MINDY1: variants seen among roughly 807,000 people sequenced by gnomAD.
The protein encoded by MINDY1 is ubiquitin carboxyl-terminal hydrolase MINDY-1.
In MINDY1, 50 loss-of-function variants were observed where a neutral mutation model predicts 53.6. That is an observed-to-expected ratio of 0.93 (90% CI 0.74 to 1.18). The LOEUF is 1.18. Among genes scored for constraint, MINDY1 ranks in the 50% most tolerant of loss-of-function variants. MINDY1 has a pLI of 0.00. For synonymous variants in MINDY1, 231 were observed against 234.7 expected (o/e 0.98, Z 0.14); for missense variants, 484 against 578.6 (o/e 0.84, Z 1.68).
Position 151,006,758 on chromosome 1 carries a change from C to G in MINDY1, c.-536G>C, listed in dbSNP as rs1018712797. 15 of 985,498 alleles carry G rather than the reference C, an allele frequency of 1.5e-5. No homozygotes were observed. The highest frequency in any genetic ancestry group is 1.8e-5 in the Non-Finnish European group (15 of 830,086). The allele number at this position is 985,498 out of a possible 1,614,324, so 61.0% of individuals were successfully genotyped here. ...TGGAGGAGGAGGGGCCTGCCCAGCG[C>G]TGGTGGATTTCCATCAGGACTTTCT... is the stretch of plus-strand genomic sequence containing the variant. On this transcript the variant is annotated 5_prime_UTR_variant, in exon 1 of 10. Coordinates refer to ENST00000683666, the MANE Select transcript of MINDY1 (RefSeq NM_001376665.1).
Position 151,002,349 on chromosome 1 carries a change from G to T in MINDY1, c.269C>A (p.Thr90Lys). The change falls in exon 2 of 10, where the codon ACA becomes AAA. Residue 90 changes from threonine (T) to lysine (K), a missense_variant. Transcript: ENST00000683666. The surrounding 1 kb of genome is among the most constrained non-coding windows in gnomAD (Gnocchi z 4.1). ...PTLGTLPEVE[T>K]IRACSMPQEL... ...CTGGGGCATGGAGCATGCCCTTATT[G>T]TCTCTACTTCAGGCAGTGTCCCAAG... 1 of 1,614,164 alleles carries T rather than the reference G, an allele frequency of 6.2e-7. No individual in the cohort carries two copies. The highest frequency in any genetic ancestry group is 8.5e-7 in the Non-Finnish European group (1 of 1,180,022).
At chr1:150,998,408 G>A in intron 7 of MINDY1, 135 bp from the exon 8 acceptor site, 8 of 783,732 alleles carry the variant, frequency 1.0e-5, no homozygotes, top group Non-Finnish European at 1.6e-5. Context: ...AGGCTGGAGT[G>A]CAGTGGCACA....
chr1:151,001,393 G>A, intron 3 of MINDY1, 79 bp from the exon 4 acceptor site: 1 of 1,463,756 alleles, frequency 6.8e-7, no homozygotes. Flanking sequence ...GGAGAATGCG[G>A]GTAATGTCAC....
At position 151,002,517 on chromosome 1, in the gene MINDY1, T is replaced by C. The variant is rs587731863; in HGVS notation, c.101A>G (p.His34Arg). The C allele has an allele frequency of 1.1e-5, 18 of 1,614,154 alleles. No individual in the cohort carries two copies. Among genetic ancestry groups the C allele is most frequent in the Admixed American group, 3.3e-5 (2 of 60,012 alleles). Residue 34 changes from histidine to arginine, a missense_variant, in exon 2 of 10, where the codon CAC (histidine) becomes CGC (arginine). Coordinates refer to ENST00000683666, the MANE Select transcript of MINDY1 (RefSeq NM_001376665.1). This position sits in a 1 kb window ranked among gnomAD's most constrained non-coding sequence, Gnocchi z 4.1. ...ATCTCTTGCATCTGTGTCCTGAGGGTGCTCATCTGGGCCTGCCAGAACCTC... is the reference window on the plus strand; with the variant it reads ...ATCTCTTGCATCTGTGTCCTGAGGGCGCTCATCTGGGCCTGCCAGAACCTC... ...NHEVLAGPDE[H>R]PQDTDARDAD... is the part of the protein sequence containing the mutation.
In MINDY1 at chr1:151,002,336, G is replaced by A; in HGVS notation, c.282C>T (p.Cys94=). The A allele has an allele frequency of 1.9e-6, 3 of 1,614,178 alleles. No individual in the cohort carries two copies. Among genetic ancestry groups the A allele is most frequent in the Non-Finnish European group, 2.5e-6 (3 of 1,180,016 alleles). The change falls in exon 2 of 10, where the codon TGC becomes TGT. Residue 94 remains cysteine (C), a synonymous_variant. Transcript: ENST00000683666. This position sits in a 1 kb window ranked among gnomAD's most constrained non-coding sequence, Gnocchi z 4.1. ...ACTGAGGAAGCTCCTGGGGCATGGA[G>A]CATGCCCTTATTGTCTCTACTTCAG... ...TLPEVETIRA[C]SMPQELPQSP...
In MINDY1 at chr1:150,999,531, C is replaced by T. The variant is rs778114266; in HGVS notation, c.839-20G>A. 8.7e-6 allele frequency: 14 copies of T among 1,612,626 alleles called. No homozygotes were observed. The highest frequency in any genetic ancestry group is 1.8e-4 in the Middle Eastern group (1 of 5,606). ...TCAGGCCTGCCAGAAAGGGACGAGT[C>T]GGGGGAAACTTGGCTTAAATTCAAG... On this transcript the variant is annotated intron_variant, in intron 6 of 9. Coordinates refer to ENST00000683666, the MANE Select transcript of MINDY1 (RefSeq NM_001376665.1). The surrounding 1 kb of genome is among the most constrained non-coding windows in gnomAD (Gnocchi z 4.4).
At chr1:151,003,340 G>A (rs1258870025) in intron 1 of MINDY1, among the ~76,000 whole-genome samples, 1 of 152,132 alleles carries the variant, frequency 6.6e-6, no homozygotes, top group Non-Finnish European at 1.5e-5. Flanking sequence ...TGAAATGCTG[G>A]TGAGGAAGGG....
chr1:151,004,371 A>T (rs587637894), intron 1 of MINDY1, among the ~76,000 whole-genome samples: 1 of 152,122 alleles, frequency 6.6e-6, no homozygotes, highest in Non-Finnish European at 1.5e-5. Context: ...CCTTTGGAAA[A>T]CATCTCCCTT....
chr1:151,000,062 G>A (rs708909), intron 5 of MINDY1, 98 bp from the exon 6 acceptor site: 798,569 of 807,736 alleles, frequency 0.99, 395,244 homozygotes, highest in East Asian at 1. Context: ...CTACAACCCT[G>A]TGATGAATGG....
intron 9 of MINDY1, 38 bp downstream of exon 9, chr1:150,997,586 T>C: frequency 1.2e-6 from 2 of 1,603,162 alleles, no homozygotes; most frequent in Non-Finnish European, 1.7e-6. Flanking sequence ...AAGCATGAGG[T>C]GGAAACCGGG....
chr1:151,005,520 C>T (rs768717737), intron 1 of MINDY1, among the ~76,000 whole-genome samples: 9 of 151,520 alleles, frequency 5.9e-5, no homozygotes, highest in Non-Finnish European at 8.8e-5. Flanking sequence ...ATTTTCTCTC[C>T]AGTGCCAGAA....
At chr1:151,001,988 C>CTT (rs78066468) in intron 2 of MINDY1, among the ~76,000 whole-genome samples, 177 bp downstream of exon 2, 10 of 146,278 alleles carry the variant, frequency 6.8e-5, no homozygotes, top group African/African-American at 1.2e-4. Flanking sequence ...AGATCTTCCT[C>CTT]TTTTTTTTTT....
chr1:150,999,209 G>A lies in MINDY1; in HGVS notation c.981+160C>T, dbSNP rs587744626. ...ACCGTAGCCAGTCCACAGTGGACAC[G>A]CACCAGGAGCGGGAAATGAACCTTT... On this transcript the variant is annotated intron_variant, in intron 7 of 9. Transcript: ENST00000683666. The surrounding 1 kb of genome is among the most constrained non-coding windows in gnomAD (Gnocchi z 4.4). Among the ~76,000 whole-genome samples, 41 of 152,238 alleles carry A rather than the reference G, an allele frequency of 2.7e-4. No individual in the cohort carries two copies. The highest frequency in any genetic ancestry group is 4.7e-4 in the Non-Finnish European group (32 of 68,024).
rs1229753883 is a variant in MINDY1, at chr1:150,999,317, A to G, written c.981+52T>C. ...GATCCCAGCTGGACCCACGAGAAAA[A>G]GGCACCAGGAAATGACAGCACCGCA... On this transcript the variant is annotated intron_variant, in intron 7 of 9. Coordinates refer to ENST00000683666, the MANE Select transcript of MINDY1 (RefSeq NM_001376665.1). This position sits in a 1 kb window ranked among gnomAD's most constrained non-coding sequence, Gnocchi z 4.4. 6.2e-7 allele frequency: 1 copy of G among 1,602,636 alleles called. No homozygotes were observed. Among genetic ancestry groups the G allele is most frequent in the African/African-American group, 1.3e-5 (1 of 74,718 alleles).
intron 7 of MINDY1, 108 bp from the exon 8 acceptor site, chr1:150,998,381 G>C: frequency 5.1e-6 from 5 of 982,638 alleles, no homozygotes; most frequent in Non-Finnish European, 7.5e-6. Flanking sequence ...TGGAGATGGA[G>C]TCTCGCTCTG....
intron 5 of MINDY1, 142 bp downstream of exon 5, chr1:151,000,315 C>G: frequency 1.2e-6 from 1 of 825,020 alleles, no homozygotes; most frequent in Non-Finnish European, 1.8e-6. Context: ...TCAAGGAATT[C>G]TGTACTGGGT....
Position 151,001,323 on chromosome 1 carries a change from C to T in MINDY1, c.512-9G>A. On this transcript the variant is annotated splice_polypyrimidine_tract_variant and intron_variant, in intron 3 of 9. Coordinates refer to ENST00000683666, the MANE Select transcript of MINDY1 (RefSeq NM_001376665.1). ...GGACAGGAGGCAGTTTCCTACAAGA[C>T]AGGGCCCCTTATCAGCTTACCCCAC... 6.2e-7 allele frequency: 1 copy of T among 1,614,084 alleles called. No homozygotes were observed. Among genetic ancestry groups the T allele is most frequent in the Non-Finnish European group, 8.5e-7 (1 of 1,179,976 alleles).
At position 151,002,787 on chromosome 1, in the gene MINDY1, G is replaced by A. The variant is rs895139469; in HGVS notation, c.-89-81C>T. 1 of 1,475,218 alleles carries A rather than the reference G, an allele frequency of 6.8e-7. No individual in the cohort carries two copies. Among genetic ancestry groups the A allele is most frequent in the Non-Finnish European group, 9.0e-7 (1 of 1,112,476 alleles). The allele number at this position is 1,475,218 out of a possible 1,614,324, so 91.4% of individuals were successfully genotyped here. On this transcript the variant is annotated intron_variant, in intron 1 of 9. Transcript: ENST00000683666. The surrounding 1 kb of genome is among the most constrained non-coding windows in gnomAD (Gnocchi z 4.1). ...TTGGAAAAGGAATGTAGTGTAGAAG[G>A]CTGGCTAGTGTTTGTGCAGTAACTC... is the stretch of plus-strand genomic sequence containing the variant.
chr1:151,007,690 A>G (rs1408251331), upstream of MINDY1, among the ~76,000 whole-genome samples: 1 of 152,094 alleles, frequency 6.6e-6, no homozygotes, highest in Non-Finnish European at 1.5e-5. Flanking sequence ...AAATGAGGGA[A>G]TTTTTGATGA....
Sources: allele counts gnomAD v4.1 joint callset (sites outside exome capture counted in the v4.1 genomes callset), GRCh38; gene constraint gnomAD v4.1.1; non-coding constraint Gnocchi (gnomAD v3.1); transcripts MANE v1.5; gene names NCBI Gene and HGNC (gene_info 2026-07-23, HGNC 2026-07-21).